The following ZC3H18 variants were observed in gnomAD, a reference collection of about 807,000 sequenced individuals.
The protein encoded by ZC3H18 is zinc finger CCCH domain-containing protein 18.
A neutral mutation model predicts 106.1 loss-of-function variants in ZC3H18; 8 were observed. The ratio of observed to expected loss-of-function variants is 0.08; its 90% CI spans 0.04 to 0.14. The LOEUF (loss-of-function observed/expected upper bound fraction) is 0.14. ZC3H18 is among the 10% of genes least tolerant of loss of function. The probability of loss-of-function intolerance (pLI) is 1.00; values close to 1 mark genes in which losing one functional copy is unlikely to be tolerated. For synonymous variants in ZC3H18, 635 were observed against 522.1 expected (o/e 1.22, Z -2.95); for missense variants, 1,318 against 1,278.4 (o/e 1.03, Z -0.47).
chr16:88,580,750 C>T (rs879324416), intron 2 of ZC3H18, among the ~76,000 whole-genome samples: 7 of 152,168 alleles, frequency 4.6e-5, no homozygotes, highest in Non-Finnish European at 8.8e-5. Flanking sequence ...CAGTCAGCTT[C>T]CCACCAGGCC....
intron 8 of ZC3H18, among the ~76,000 whole-genome samples, chr16:88,615,906 C>T (rs932835788): frequency 3.9e-5 from 6 of 152,206 alleles, no homozygotes; most frequent in Non-Finnish European, 7.3e-5. Flanking sequence ...TTCTGGAGTA[C>T]GCGTTAGAGG....
intron 1 of ZC3H18, among the ~76,000 whole-genome samples, chr16:88,570,851 C>T (rs1914354589): frequency 6.6e-6 from 1 of 152,234 alleles, no homozygotes; most frequent in South Asian, 2.1e-4. Flanking sequence ...AGTTTATTTT[C>T]CTGAAGCTGT....
At chr16:88,630,763 C>G (rs1257175770) in intron 17 of ZC3H18, among the ~76,000 whole-genome samples, 182 bp downstream of exon 17, 5 of 112,628 alleles carry the variant, frequency 4.4e-5, no homozygotes, top group Non-Finnish European at 6.2e-5. Context: ...CCCACCCCCC[C>G]CCACACACAC....
At chr16:88,628,936 C>T in intron 16 of ZC3H18, 82 bp downstream of exon 16, 1 of 1,394,842 alleles carries the variant, frequency 7.2e-7, no homozygotes, top group South Asian at 1.2e-5. Context: ...GACCCCATTG[C>T]TCTTAACAAG....
chr16:88,599,679 CTCCTGCTCCT>C (rs1904643207), intron 5 of ZC3H18, 102 bp from the exon 6 acceptor site: 16 of 1,296,488 alleles, frequency 1.2e-5, no homozygotes, highest in Non-Finnish European at 1.7e-5. Flanking sequence ...CAGCGTGCAG[CTCCTGCTCCT>C]GCAGGGCTGC....
At chr16:88,609,425 G>A (rs2142739618) in intron 7 of ZC3H18, among the ~76,000 whole-genome samples, 1 of 152,100 alleles carries the variant, frequency 6.6e-6, no homozygotes, top group South Asian at 2.1e-4. Flanking sequence ...AGCCTCCCGA[G>A]TAGCTGGGAC....
intron 2 of ZC3H18, among the ~76,000 whole-genome samples, chr16:88,578,801 C>T (rs1278567831): frequency 6.6e-6 from 1 of 152,200 alleles, no homozygotes; most frequent in Non-Finnish European, 1.5e-5. Context: ...GGCAATTATC[C>T]TGCCTCAGCC....
chr16:88,581,327 C>T (rs973541417), intron 2 of ZC3H18, among the ~76,000 whole-genome samples: 6 of 152,184 alleles, frequency 3.9e-5, no homozygotes. Context: ...TCTCTTCTCT[C>T]AGGGCACATG....
intron 9 of ZC3H18, 186 bp downstream of exon 9, chr16:88,622,574 T>C (rs1906033771): frequency 1.5e-6 from 1 of 659,872 alleles, no homozygotes; most frequent in Non-Finnish European, 2.5e-6. Flanking sequence ...CAATGCCAAG[T>C]AGGACTGACG....
At chr16:88,626,733 T>G (rs976085029) in intron 13 of ZC3H18, 6 of 152,218 alleles carry the variant, frequency 3.9e-5, no homozygotes, top group African/African-American at 1.4e-4. Context: ...ATTCCCCCGT[T>G]CCTTGCTCCG....
intron 11 of ZC3H18, chr16:88,624,337 A>G (rs12596165): frequency 0.062 from 40,765 of 655,618 alleles, 1,515 homozygotes; most frequent in East Asian, 0.081. Context: ...GGGTCTTCCT[A>G]TTAGCCTGCT....
chr16:88,571,238 G>A (rs1354052856), intron 1 of ZC3H18, among the ~76,000 whole-genome samples: 3 of 152,192 alleles, frequency 2.0e-5, no homozygotes, highest in African/African-American at 4.8e-5. Context: ...TGAGTTTGCC[G>A]GGTAGAGTGG....
chr16:88,615,375 C>CA (rs1905534757), intron 8 of ZC3H18, among the ~76,000 whole-genome samples: 1 of 152,206 alleles, frequency 6.6e-6, no homozygotes, highest in Admixed American at 6.5e-5. Context: ...ATCTGGAGCC[C>CA]TTGCAGCAGA....
Position 88,585,484 on chromosome 16 carries a change from G to A in ZC3H18, c.604-1116G>A, listed in dbSNP as rs1597325920. 2.0e-5 allele frequency among the ~76,000 whole-genome samples: 3 copies of A among 152,364 alleles called. No individual in the cohort carries two copies. The South Asian group carries it at 6.2e-4, about 32-fold the overall frequency. Reference sequence around the variant, plus strand: ...AGGGTTCAGCCAGGCAGGTGGTGGTGTCGTCAACACAAGGGTGCTCAGGTG... The same window carrying A: ...AGGGTTCAGCCAGGCAGGTGGTGGTATCGTCAACACAAGGGTGCTCAGGTG... On this transcript the variant is annotated intron_variant, in intron 2 of 17. Transcript: ENST00000301011.
chr16:88,603,637 T>TTTTTG lies in ZC3H18; in HGVS notation c.1088+3692_1088+3693insTGTTT, dbSNP rs1904862007. On this transcript the variant is annotated intron_variant, in intron 6 of 17. Coordinates refer to ENST00000301011, the MANE Select transcript of ZC3H18 (RefSeq NM_144604.4). ...AGACTCCGTCTCTTTTTTTTTTTTT[T>TTTTTG]TTTGAGACGGAGTCTGGCTCTGTCG... Among the ~76,000 whole-genome samples the TTTTTG allele has an allele frequency of 2.0e-5, 3 of 149,438 alleles. No homozygotes were observed. The South Asian group carries it at 6.5e-4, about 32-fold the overall frequency.
intron 3 of ZC3H18, among the ~76,000 whole-genome samples, chr16:88,597,884 T>C (rs1000229817): frequency 1.3e-5 from 2 of 152,236 alleles, no homozygotes; most frequent in Admixed American, 6.5e-5. Flanking sequence ...AGGGGAAAAT[T>C]AATACTCAGA....
At position 88,627,848 on chromosome 16, in the gene ZC3H18, C is replaced by T. The variant is rs374966791; in HGVS notation, c.2269+66C>T. On this transcript the variant is annotated intron_variant, in intron 14 of 17. Coordinates refer to ENST00000301011, the MANE Select transcript of ZC3H18 (RefSeq NM_144604.4). The surrounding 1 kb of genome is among the most constrained non-coding windows in gnomAD (Gnocchi z 4.5). ...GGGAGGAGGGCGGCATCAGCACAGACTTTGCCTGGCTGTTGGTGTGGCCAT... is the reference window on the plus strand; with the variant it reads ...GGGAGGAGGGCGGCATCAGCACAGATTTTGCCTGGCTGTTGGTGTGGCCAT... 16 of 1,612,456 alleles carry T rather than the reference C, an allele frequency of 9.9e-6. No homozygotes were observed. In the South Asian group the frequency reaches 1.6e-4, roughly 17 times the overall value.
At chr16:88,604,483 G>A (rs966802820) in intron 6 of ZC3H18, among the ~76,000 whole-genome samples, 2 of 152,112 alleles carry the variant, frequency 1.3e-5, no homozygotes, top group Non-Finnish European at 2.9e-5. Flanking sequence ...TCAGGAGATT[G>A]AGACCGTTCT....
chr16:88,601,331 G>A (rs1904740340), intron 6 of ZC3H18, among the ~76,000 whole-genome samples: 1 of 152,210 alleles, frequency 6.6e-6, no homozygotes, highest in African/African-American at 2.4e-5. Context: ...TTTTTTGTTA[G>A]ATGTGGATAT....
Sources: allele counts gnomAD v4.1 joint callset (sites outside exome capture counted in the v4.1 genomes callset), GRCh38; gene constraint gnomAD v4.1.1; non-coding constraint Gnocchi (gnomAD v3.1); transcripts MANE v1.5; gene names NCBI Gene and HGNC (gene_info 2026-07-23, HGNC 2026-07-21).